Variants in KAZN observed in about 807,000 individuals in gnomAD.
KAZN encodes the protein kazrin.
Under a neutral mutation model 87.4 loss-of-function variants are expected in KAZN, and 40 were observed. The ratio of observed to expected loss-of-function variants is 0.46; its 90% CI spans 0.36 to 0.60. KAZN has a LOEUF of 0.60. KAZN is among the 20% of genes least tolerant of loss of function. The probability of loss-of-function intolerance (pLI) is 0.00; values close to 1 mark genes in which losing one functional copy is unlikely to be tolerated. For synonymous variants in KAZN, 466 were observed against 458.3 expected (o/e 1.02, Z -0.22); for missense variants, 898 against 1,073.9 (o/e 0.84, Z 2.29).
At chr1:14,173,527 A>G (rs1422266513) in intron 1 of KAZN, among the ~76,000 whole-genome samples, 1 of 152,152 alleles carries the variant, frequency 6.6e-6, no homozygotes, top group Non-Finnish European at 1.5e-5. Flanking sequence ...AAGAGGCCAC[A>G]CAGCCAAGCA....
intron 1 of KAZN, among the ~76,000 whole-genome samples, chr1:14,867,028 C>T (rs560871690): frequency 1.1e-4 from 16 of 152,366 alleles, no homozygotes; most frequent in East Asian, 1.9e-4. Flanking sequence ...AGGCTGGCCA[C>T]GCCCCTGCCT....
intron 1 of KAZN, among the ~76,000 whole-genome samples, chr1:14,148,510 A>G (rs1645401408): frequency 6.6e-6 from 1 of 152,154 alleles, no homozygotes; most frequent in Non-Finnish European, 1.5e-5. Flanking sequence ...TTGCTACAGT[A>G]CCCCTTTCTT....
At chr1:14,317,299 C>T (rs987959240) in intron 2 of KAZN, among the ~76,000 whole-genome samples, 2 of 151,714 alleles carry the variant, frequency 1.3e-5, no homozygotes, top group Admixed American at 6.6e-5. Context: ...CTTAATATTC[C>T]TTTTTCAAAA....
chr1:14,557,925 G>A (rs1458279086), intron 2 of KAZN, among the ~76,000 whole-genome samples: 1 of 151,172 alleles, frequency 6.6e-6, no homozygotes, highest in Non-Finnish European at 1.5e-5. Flanking sequence ...TAATATTATT[G>A]ACCTTCATAA....
chr1:14,544,350 C>CTTTT (rs374148415), intron 2 of KAZN, among the ~76,000 whole-genome samples: 11,615 of 97,284 alleles, frequency 0.12, 374 homozygotes, highest in East Asian at 0.19. Flanking sequence ...TTCTTTCTTT[C>CTTTT]TTTTTTTTTT....
chr1:14,377,416 A>G (rs1157665062), intron 2 of KAZN, among the ~76,000 whole-genome samples: 2 of 152,206 alleles, frequency 1.3e-5, no homozygotes, highest in African/African-American at 4.8e-5. Context: ...CCTTTAGCTC[A>G]AAGAAAATGT....
intron 1 of KAZN, among the ~76,000 whole-genome samples, chr1:14,785,150 G>T (rs1645471850): frequency 6.6e-6 from 1 of 152,004 alleles, no homozygotes; most frequent in Admixed American, 6.5e-5. Context: ...AAGTTAAGTA[G>T]AAAAGGGGAT....
chr1:14,563,181 C>T (rs1674352739), intron 2 of KAZN, among the ~76,000 whole-genome samples: 1 of 152,198 alleles, frequency 6.6e-6, no homozygotes, highest in Non-Finnish European at 1.5e-5. Flanking sequence ...TAGGGTTCTC[C>T]CAATCCAATG....
chr1:14,630,679 C>T (rs1282875463), intron 1 of KAZN, among the ~76,000 whole-genome samples: 1 of 152,130 alleles, frequency 6.6e-6, no homozygotes, highest in African/African-American at 2.4e-5. Context: ...GTGCATTATT[C>T]TCTCTAATGA....
At chr1:14,007,779 A>C (rs1640099513) in intron 1 of KAZN, among the ~76,000 whole-genome samples, 1 of 152,180 alleles carries the variant, frequency 6.6e-6, no homozygotes, top group Non-Finnish European at 1.5e-5. Flanking sequence ...CACGTGTTCT[A>C]CTTGCTGTTA....
chr1:14,962,963 G>C (rs1326221386), intron 2 of KAZN, among the ~76,000 whole-genome samples: 2 of 152,038 alleles, frequency 1.3e-5, no homozygotes, highest in Non-Finnish European at 2.9e-5. Context: ...CTCCATTCCT[G>C]ATCTGAGTGA....
chr1:14,904,655 A>G (rs1267651511), intron 1 of KAZN, among the ~76,000 whole-genome samples: 1 of 152,136 alleles, frequency 6.6e-6, no homozygotes, highest in East Asian at 1.9e-4. Flanking sequence ...AAACTGAGTC[A>G]TTTCCCACCC....
At chr1:15,045,588 T>C (rs1461092693) in intron 4 of KAZN, among the ~76,000 whole-genome samples, 1 of 152,252 alleles carries the variant, frequency 6.6e-6, no homozygotes, top group Non-Finnish European at 1.5e-5. Flanking sequence ...CTGTGTCGTG[T>C]ACTGTCTTTG....
chr1:14,031,524 A>G (rs1557793999), intron 1 of KAZN, among the ~76,000 whole-genome samples: 1 of 152,218 alleles, frequency 6.6e-6, no homozygotes, highest in Admixed American at 6.5e-5. Context: ...TGAATTTTCA[A>G]GGAAAATGAA....
At chr1:13,934,942 A>C (rs865892537) in intron 1 of KAZN, among the ~76,000 whole-genome samples, 1 of 152,178 alleles carries the variant, frequency 6.6e-6, no homozygotes, top group Non-Finnish European at 1.5e-5. Flanking sequence ...TTAGCATAAT[A>C]ATAAGCCTTC....
intron 2 of KAZN, among the ~76,000 whole-genome samples, chr1:14,243,365 C>A (rs1445823501): frequency 6.6e-6 from 1 of 152,152 alleles, no homozygotes; most frequent in Non-Finnish European, 1.5e-5. Flanking sequence ...TTTATCTTTT[C>A]TCCACCAGTC....
intron 2 of KAZN, among the ~76,000 whole-genome samples, chr1:14,311,704 T>C (rs1006848577): frequency 2.0e-5 from 3 of 152,010 alleles, no homozygotes; most frequent in African/African-American, 7.2e-5. Context: ...TTAATAAATA[T>C]TGGATGGATG....
At chr1:14,625,869 G>A (rs925636020) in intron 1 of KAZN, among the ~76,000 whole-genome samples, 2 of 152,204 alleles carry the variant, frequency 1.3e-5, no homozygotes, top group Non-Finnish European at 2.9e-5. Flanking sequence ...GGCTGGCAAA[G>A]AAACCTAGTC....
At chr1:14,532,366 C>T (rs1024591816) in intron 2 of KAZN, among the ~76,000 whole-genome samples, 18 of 151,932 alleles carry the variant, frequency 1.2e-4, no homozygotes, top group Non-Finnish European at 2.1e-4. Context: ...ATTCACAGTC[C>T]GAGGACATTC....
Sources: allele counts gnomAD v4.1 joint callset (sites outside exome capture counted in the v4.1 genomes callset), GRCh38; gene constraint gnomAD v4.1.1; transcripts MANE v1.5; gene names NCBI Gene and HGNC (gene_info 2026-07-23, HGNC 2026-07-21).